The following SUMF1 variants were observed in gnomAD, a reference collection of about 807,000 sequenced individuals.
SUMF1 encodes the protein sulfatase modifying factor 1.
SUMF1 carries 48 observed loss-of-function variants against 47.6 expected under a neutral mutation model. The observed-to-expected ratio is 1.01, with a 90% CI of 0.80 to 1.28. The LOEUF is 1.28. Among genes scored for constraint, SUMF1 ranks in the 50% most tolerant of loss-of-function variants. The pLI, the probability that SUMF1 is intolerant of heterozygous loss-of-function variation, is 0.00. For synonymous variants in SUMF1, 230 were observed against 192.1 expected (o/e 1.20, Z -1.63); for missense variants, 571 against 485.4 (o/e 1.18, Z -1.66).
chr3:4,426,053 C>G (rs561269374), intron 3 of SUMF1, among the ~76,000 whole-genome samples: 1 of 152,306 alleles, frequency 6.6e-6, no homozygotes, highest in East Asian at 1.9e-4. Flanking sequence ...CCTCCCATGA[C>G]ACGTAAAGAT....
At chr3:4,438,842 T>C (rs528053901) in intron 3 of SUMF1, among the ~76,000 whole-genome samples, 1 of 152,268 alleles carries the variant, frequency 6.6e-6, no homozygotes, top group African/African-American at 2.4e-5. Flanking sequence ...ACCCAATTAA[T>C]ATAAAAAATT....
intron 8 of SUMF1, among the ~76,000 whole-genome samples, chr3:4,294,441 G>C (rs545249764): frequency 6.6e-6 from 1 of 152,122 alleles, no homozygotes; most frequent in South Asian, 2.1e-4. Context: ...GTGTGTGCCT[G>C]TAGTCTCAGC....
chr3:4,368,512 A>T (rs577802688), intron 8 of SUMF1, among the ~76,000 whole-genome samples: 1 of 152,108 alleles, frequency 6.6e-6, no homozygotes, highest in African/African-American at 2.4e-5. Context: ...ACTATAAATC[A>T]TGCTGCTATA....
At chr3:4,178,774 T>G (rs1413012003) in intron 8 of SUMF1, among the ~76,000 whole-genome samples, 1 of 152,200 alleles carries the variant, frequency 6.6e-6, no homozygotes, top group African/African-American at 2.4e-5. Flanking sequence ...GATGACATAA[T>G]TGTATATTTA....
chr3:4,423,739 G>A (rs1701981731), intron 3 of SUMF1, among the ~76,000 whole-genome samples: 1 of 152,170 alleles, frequency 6.6e-6, no homozygotes, highest in Non-Finnish European at 1.5e-5. Context: ...GGTGGCGCCT[G>A]GTGGGAGGTC....
chr3:4,114,774 C>T (rs1349378588), intron 8 of SUMF1, among the ~76,000 whole-genome samples: 1 of 152,108 alleles, frequency 6.6e-6, no homozygotes, highest in Non-Finnish European at 1.5e-5. Context: ...TGTCCATGTG[C>T]ATTAGACACA....
chr3:4,088,566 C>T (rs1326665933), intron 8 of SUMF1, among the ~76,000 whole-genome samples: 1 of 152,080 alleles, frequency 6.6e-6, no homozygotes, highest in African/African-American at 2.4e-5. Flanking sequence ...ATATTTATCA[C>T]TAGCACATTT....
intron 3 of SUMF1, among the ~76,000 whole-genome samples, chr3:4,438,597 G>C (rs935549089): frequency 1.3e-5 from 2 of 152,082 alleles, no homozygotes; most frequent in African/African-American, 4.8e-5. Context: ...TTTTTCATCT[G>C]AGGAAGACAT....
chr3:4,430,637 C>T (rs751466696), intron 3 of SUMF1, among the ~76,000 whole-genome samples: 1 of 152,126 alleles, frequency 6.6e-6, no homozygotes, highest in Non-Finnish European at 1.5e-5. Context: ...CTCTATGCCA[C>T]TCCTGTGCTA....
intron 3 of SUMF1, among the ~76,000 whole-genome samples, chr3:4,448,395 G>A (rs186135425): frequency 2.6e-5 from 4 of 152,134 alleles, no homozygotes; most frequent in South Asian, 4.2e-4. Context: ...AGGAAGATGA[G>A]GGCTGGATTC....
At chr3:4,417,893 A>C in intron 5 of SUMF1, 117 bp downstream of exon 5, 1 of 1,558,460 alleles carries the variant, frequency 6.4e-7, no homozygotes, top group Non-Finnish European at 8.8e-7. Flanking sequence ...AAATAAGAAA[A>C]AGAATTATTG....
intron 9 of SUMF1, among the ~76,000 whole-genome samples, chr3:4,062,968 T>C (rs1462246441): frequency 6.6e-6 from 1 of 152,146 alleles, no homozygotes; most frequent in East Asian, 1.9e-4. Flanking sequence ...GGTTGCCTTA[T>C]AATTGAAATT....
chr3:4,082,237 G>A (rs866855179), intron 8 of SUMF1, among the ~76,000 whole-genome samples: 1 of 152,112 alleles, frequency 6.6e-6, no homozygotes, highest in South Asian at 2.1e-4. Flanking sequence ...GGAGCCCAAG[G>A]TGGGCAGATC....
rs200461780 is a variant in SUMF1, at chr3:4,217,513, T to TATATATATATATAAAATA, written c.1015-148769_1015-148768insTATTTTATATATATATAT. Among the ~76,000 whole-genome samples, 13 of 72,646 alleles carry TATATATATATATAAAATA rather than the reference T, an allele frequency of 1.8e-4. 5 individuals carry two copies. The highest frequency in any genetic ancestry group is 2.5e-5 in the Non-Finnish European group (1 of 40,670). The allele number at this position is 72,646 out of a possible 152,430, so 47.7% of individuals were successfully genotyped here. On this transcript the variant is annotated intron_variant and NMD_transcript_variant, in intron 8 of 12. Coordinates refer to the SUMF1 transcript ENST00000448413. ...ATGTATCCCAGAACTTAAAGTATTT[T>TATATATATATATAAAATA]TTATATATATATATATATATATATA...
chr3:4,173,487 C>A (rs1259219566), intron 8 of SUMF1, among the ~76,000 whole-genome samples: 2 of 152,110 alleles, frequency 1.3e-5, no homozygotes, highest in Non-Finnish European at 2.9e-5. Context: ...CCTCAAGGAT[C>A]TAGAACAGAA....
intron 8 of SUMF1, among the ~76,000 whole-genome samples, chr3:4,163,326 A>G (rs940282611): frequency 1.7e-5 from 2 of 118,862 alleles, no homozygotes; most frequent in Non-Finnish European, 3.4e-5. Context: ...CTTCCTTTTC[A>G]TGCAGATGAG....
chr3:4,094,439 A>G (rs1444546186), intron 8 of SUMF1, among the ~76,000 whole-genome samples: 1 of 152,078 alleles, frequency 6.6e-6, no homozygotes, highest in Non-Finnish European at 1.5e-5. Context: ...TTACCAAAAG[A>G]AGGATATCAG....
intron 8 of SUMF1, among the ~76,000 whole-genome samples, chr3:4,317,760 C>T (rs1315580756): frequency 6.6e-6 from 1 of 152,128 alleles, no homozygotes; most frequent in East Asian, 1.9e-4. Flanking sequence ...AATCACTGAA[C>T]CTTTCCAAGT....
chr3:4,094,376 G>A lies in SUMF1; in HGVS notation c.1015-25631C>T, dbSNP rs138150906. On this transcript the variant is annotated intron_variant and NMD_transcript_variant, in intron 8 of 12. Coordinates refer to the SUMF1 transcript ENST00000448413. ...CTCATGAACTTAGAGCTTACTAGGG[G>A]AGAAATGGAAGGTACCCAAGCAACT... is the stretch of plus-strand genomic sequence containing the variant. Among the ~76,000 whole-genome samples the A allele has an allele frequency of 7.5e-3, 1,138 of 152,096 alleles. 14 individuals are homozygous for A. Among genetic ancestry groups the A allele is most frequent in the South Asian group, 0.029 (141 of 4,812 alleles).
Sources: allele counts gnomAD v4.1 joint callset (sites outside exome capture counted in the v4.1 genomes callset), GRCh38; gene constraint gnomAD v4.1.1; transcripts MANE v1.5; gene names NCBI Gene and HGNC (gene_info 2026-07-23, HGNC 2026-07-21).